TUBGCP6: variants seen among roughly 807,000 people sequenced by gnomAD.
The protein encoded by TUBGCP6 is tubulin gamma complex component 6, also known as gamma-tubulin complex component 6.
Under a neutral mutation model 175.8 loss-of-function variants are expected in TUBGCP6, and 161 were observed. The observed-to-expected ratio is 0.92, with a 90% CI of 0.81 to 1.04. The LOEUF is 1.04. TUBGCP6 is among the 50% of genes least tolerant of loss of function. The pLI is 0.00. For synonymous variants in TUBGCP6, 1,173 were observed against 1,030.5 expected (o/e 1.14, Z -2.65); for missense variants, 2,572 against 2,433.0 (o/e 1.06, Z -1.20).
chr22:50,222,137 C>G, intron 14 of TUBGCP6, 35 bp from the exon 15 acceptor site: 1 of 1,604,600 alleles, frequency 6.2e-7, no homozygotes, highest in Non-Finnish European at 8.5e-7. Context: ...CTGGCCAAGC[C>G]GGAGTCAAGC....
chr22:50,219,420 A>G lies in TUBGCP6; in HGVS notation c.4352T>C (p.Leu1451Pro). Residue 1451 changes from leucine (L) to proline (P), a missense_variant, in exon 19 of 25, where the codon CTT becomes CCT. Leu to Pro is a moderately conservative substitution (Grantham distance 98, BLOSUM62 -3). Transcript: ENST00000248846. ...CACGGGGAAGGCGAAGGCCCGGGGA[A>G]GCACGGGGCGCAAAAGATGAGCAAT... ...PPIAHLLRPV[L>P]PRAFAFPVDP... The G allele has an allele frequency of 6.4e-7, 1 of 1,569,778 alleles. No individual in the cohort carries two copies. The highest frequency in any genetic ancestry group is 2.3e-5 in the East Asian group (1 of 42,592).
At chr22:50,237,959 C>T (rs1177271381) in intron 2 of TUBGCP6, among the ~76,000 whole-genome samples, 2 of 152,120 alleles carry the variant, frequency 1.3e-5, no homozygotes, top group Non-Finnish European at 2.9e-5. Context: ...ACCATCTCTA[C>T]TAAAAACACA....
rs1209556525 is a variant in TUBGCP6, at chr22:50,226,206, A to C, written c.1694-17T>G. On this transcript the variant is annotated splice_polypyrimidine_tract_variant and intron_variant, in intron 8 of 24. Transcript: ENST00000248846. ...ACAACTTATCTAAGGTAGGGTGAAC[A>C]CCACGGTGGCCGGCATGGCCATGGC... 2 of 1,614,074 alleles carry C rather than the reference A, an allele frequency of 1.2e-6. No homozygotes were observed. Among genetic ancestry groups the C allele is most frequent in the Admixed American group, 3.3e-5 (2 of 60,012 alleles).
chr22:50,219,793 TAACAA>T lies in TUBGCP6; in HGVS notation c.4168-7_4168-3del, dbSNP rs755324522. On this transcript the variant is annotated splice_region_variant and splice_polypyrimidine_tract_variant and intron_variant, in intron 17 of 24. Coordinates refer to ENST00000248846, the MANE Select transcript of TUBGCP6 (RefSeq NM_020461.4). ...GCTGCTCTGGGCAGCTGTGTCTTCC[TAACAA>T]AACACCAGCCTCAGAACCACCTCCC... The T allele has an allele frequency of 1.4e-5, 22 of 1,612,364 alleles. No homozygotes were observed. Among genetic ancestry groups the T allele is most frequent in the Admixed American group, 3.3e-5 (2 of 60,006 alleles).
chr22:50,217,760 G>C lies in TUBGCP6; in HGVS notation c.5436C>G (p.Phe1812Leu). Residue 1812 changes from phenylalanine (F) to leucine (L), a missense_variant, in exon 25 of 25, where the codon TTC (phenylalanine) becomes TTG (leucine). Coordinates refer to ENST00000248846, the MANE Select transcript of TUBGCP6 (RefSeq NM_020461.4). Reference sequence around the variant, plus strand: ...CTCAGGCGTCCTGGTAGTAGTTGTTGAAGTTGATGCGCAGCAGAAAGTCCT... The same window carrying C: ...CTCAGGCGTCCTGGTAGTAGTTGTTCAAGTTGATGCGCAGCAGAAAGTCCT... ...HLEDFLLRIN[F>L]NNYYQDA 6.2e-7 allele frequency: 1 copy of C among 1,614,098 alleles called. No individual in the cohort carries two copies. Among genetic ancestry groups the C allele is most frequent in the East Asian group, 2.2e-5 (1 of 44,876 alleles).
chr22:50,222,902 G>A (rs771318976), intron 13 of TUBGCP6: 2 of 336,308 alleles, frequency 5.9e-6, no homozygotes, highest in East Asian at 4.9e-5. Context: ...AGGAGGCCGA[G>A]GGCCCCAGGC....
chr22:50,221,384 A>C lies in TUBGCP6; in HGVS notation c.2975T>G (p.Met992Arg). Residue 992 changes from methionine (M) to arginine (R), a missense_variant, in exon 16 of 25, where the codon ATG (methionine) becomes AGG (arginine). Met to Arg is a moderately conservative substitution (Grantham distance 91). Coordinates refer to ENST00000248846, the MANE Select transcript of TUBGCP6 (RefSeq NM_020461.4). ...LQLWEDSCGK[M>R]DACGSASRET... ...CCGCGAGGCGGAGCCACAGGCATCC[A>C]TCTTCCCACAACTGTCCTCCCACAG... is the stretch of plus-strand genomic sequence containing the variant. 6.2e-7 allele frequency: 1 copy of C among 1,609,022 alleles called. No homozygotes were observed. Among genetic ancestry groups the C allele is most frequent in the East Asian group, 2.2e-5 (1 of 44,858 alleles).
rs80270541 is a variant in TUBGCP6, at chr22:50,239,162, G to C, written c.905+1042C>G. ...ATTCCATGGCCAAACATTTGGGGAA[G>C]TGCGTGTTTTTTTGTTTGTTTGTTT... On this transcript the variant is annotated intron_variant, in intron 2 of 24. Transcript: ENST00000248846. Among the ~76,000 whole-genome samples, 16 of 152,194 alleles carry C rather than the reference G, an allele frequency of 1.1e-4. No homozygotes were observed. In the South Asian group the frequency reaches 2.9e-3, roughly 28 times the overall value.
chr22:50,223,092 C>T (rs1290422107), intron 13 of TUBGCP6: 1 of 158,986 alleles, frequency 6.3e-6, no homozygotes, highest in Non-Finnish European at 1.4e-5. Flanking sequence ...GGGCTCAAAC[C>T]TGGACTGGCC....
intron 14 of TUBGCP6, 78 bp downstream of exon 14, chr22:50,222,376 G>C (rs1009877801): frequency 2.0e-5 from 31 of 1,582,328 alleles, no homozygotes; most frequent in Admixed American, 5.1e-5. Context: ...AGAGCATGTA[G>C]GTTTGTGTGC....
intron 16 of TUBGCP6, 65 bp from the exon 17 acceptor site, chr22:50,220,080 GCCGGC>G: frequency 6.4e-7 from 1 of 1,568,238 alleles, no homozygotes; most frequent in Non-Finnish European, 8.7e-7. Flanking sequence ...ACAGAGCCGA[GCCGGC>G]CCTGGCTCAA....
rs1346922677 is a variant in TUBGCP6 at position 50,220,378 on chromosome 22, T to C, written c.3981A>G (p.Pro1327=). 7.0e-6 allele frequency: 11 copies of C among 1,566,012 alleles called. No individual in the cohort carries two copies. The highest frequency in any genetic ancestry group is 2.3e-5 in the East Asian group (1 of 44,020). Residue 1327 remains proline (P), a synonymous_variant, in exon 16 of 25, where the codon CCA becomes CCG. Transcript: ENST00000248846. ...AGCCCGAGCTGGGGGAGGACAGAGA[T>C]GGCCCCACTTCTACAGGCAGCCGTG... ...CGPRLPVEVG[P]SLSSPSSGCG...
At position 50,244,742 on chromosome 22, in the gene TUBGCP6, T is replaced by G. The variant is rs1344235561; in HGVS notation, c.-283A>C. 4.6e-6 allele frequency: 2 copies of G among 434,008 alleles called. No homozygotes were observed. The highest frequency in any genetic ancestry group is 4.1e-6 in the Non-Finnish European group (1 of 241,910). 26.9% of individuals were successfully genotyped at this position (434,008 alleles called of 1,614,324 possible). On this transcript the variant is annotated 5_prime_UTR_variant, in exon 1 of 25. Transcript: ENST00000248846. The stretch of plus-strand genomic sequence containing the variant: ...CTTCTAATTCAGTAGCCCTCAACCT[T>G]TAGGGAGTCACAGAACCGTGGCAAA...
chr22:50,235,807 G>A (rs550011693), intron 2 of TUBGCP6, among the ~76,000 whole-genome samples: 1 of 152,194 alleles, frequency 6.6e-6, no homozygotes, highest in Admixed American at 6.5e-5. Flanking sequence ...GGGCGTGGTG[G>A]CGGGCATCTG....
intron 2 of TUBGCP6, 50 bp from the exon 3 acceptor site, chr22:50,233,576 C>T (rs988374681): frequency 2.0e-6 from 3 of 1,528,810 alleles, no homozygotes; most frequent in East Asian, 2.4e-5. Context: ...TGACCTGCAC[C>T]TCAGCACCAG....
chr22:50,244,166 T>C lies in TUBGCP6; in HGVS notation c.294A>G (p.Ala98=). Residue 98 remains alanine, a synonymous_variant, in exon 1 of 25, where the codon GCA becomes GCG. Coordinates refer to ENST00000248846, the MANE Select transcript of TUBGCP6 (RefSeq NM_020461.4). ...CCTCCAAAAGCGGACAGCAAGGGGC[T>C]GCTTCCAGCTCCTCCACAAGCTCCT... The part of the protein sequence containing the change: ...RLEELVEELE[A]APCCPLLEVG... 1 of 1,613,378 alleles carries C rather than the reference T, an allele frequency of 6.2e-7. No homozygotes were observed. Among genetic ancestry groups the C allele is most frequent in the South Asian group, 1.1e-5 (1 of 91,078 alleles).
chr22:50,239,690 C>T (rs987168218), intron 2 of TUBGCP6, among the ~76,000 whole-genome samples: 3 of 152,230 alleles, frequency 2.0e-5, no homozygotes, highest in African/African-American at 4.8e-5. Context: ...CCAACTCCTC[C>T]AGACACGGAC....
intron 1 of TUBGCP6, 26 bp from the exon 2 acceptor site, chr22:50,240,393 G>A (rs539467367): frequency 9.3e-6 from 15 of 1,612,984 alleles, no homozygotes; most frequent in East Asian, 4.5e-5. Context: ...AGGGCAAACC[G>A]CCACTTATTG....
intron 11 of TUBGCP6, 40 bp from the exon 12 acceptor site, chr22:50,224,460 C>A (rs368187923): frequency 5.3e-5 from 85 of 1,614,018 alleles, no homozygotes; most frequent in Non-Finnish European, 6.9e-5. Flanking sequence ...CACAAGGAGG[C>A]CCCAGCAAGG....
Sources: allele counts gnomAD v4.1 joint callset (sites outside exome capture counted in the v4.1 genomes callset), GRCh38; gene constraint gnomAD v4.1.1; transcripts MANE v1.5; gene names NCBI Gene and HGNC (gene_info 2026-07-23, HGNC 2026-07-21).